SLC22A23: variants seen among roughly 807,000 people sequenced by gnomAD.
SLC22A23 encodes ion transporter protein.
SLC22A23 carries 26 observed loss-of-function variants against 61.0 expected under a neutral mutation model. That is an observed-to-expected ratio of 0.43 (90% confidence interval 0.31 to 0.59). The LOEUF is 0.59. Ranked by LOEUF, SLC22A23 falls within the 20% of genes least tolerant of loss-of-function variation. SLC22A23 has a pLI of 0.11. For synonymous variants in SLC22A23, 430 were observed against 413.9 expected, an observed-to-expected ratio of 1.04 and a Z score of -0.47; for missense variants, 796 against 934.7, an observed-to-expected ratio of 0.85 and a Z score of 1.94.
At chr6:3,283,523 G>T (rs1042259488) in intron 9 of SLC22A23, 1 of 354,820 alleles carries the variant, frequency 2.8e-6, no homozygotes, top group Non-Finnish European at 5.5e-6. Context: ...GGCAGCACAG[G>T]TTCTGGTGGA....
In SLC22A23 at chr6:3,317,058, T is replaced by C. The variant is rs1474137528; in HGVS notation, c.1082+6776A>G. Among the ~76,000 whole-genome samples, 2 of 152,182 alleles carry C rather than the reference T, an allele frequency of 1.3e-5. No homozygotes were observed. Among genetic ancestry groups the C allele is most frequent in the East Asian group, 1.9e-4 (1 of 5,198 alleles). ...GAAGTCCTTACTCCCTGTGACTTCT[T>C]CCAAGCCACTTGAGATAAACACCAC... On this transcript the variant is annotated intron_variant, in intron 4 of 9. Coordinates refer to ENST00000406686, the MANE Select transcript of SLC22A23 (RefSeq NM_015482.2). This position sits in a 1 kb window ranked among gnomAD's most constrained non-coding sequence, Gnocchi z 4.4.
chr6:3,453,798 G>GAA (rs1772265112), intron 1 of SLC22A23, among the ~76,000 whole-genome samples: 1 of 151,978 alleles, frequency 6.6e-6, no homozygotes, highest in Admixed American at 6.6e-5. Flanking sequence ...TCCACTGAAA[G>GAA]AAGGCAAAGG....
chr6:3,280,971 G>T (rs4479984), intron 9 of SLC22A23, among the ~76,000 whole-genome samples: 98,673 of 151,980 alleles, frequency 0.65, 38,359 homozygotes, highest in Non-Finnish European at 0.86. Context: ...TCTAGAAAGG[G>T]CCAGGGCTGC....
intron 9 of SLC22A23, among the ~76,000 whole-genome samples, chr6:3,279,997 T>C (rs1017988419): frequency 3.3e-5 from 5 of 152,224 alleles, no homozygotes; most frequent in Admixed American, 2.0e-4. Context: ...CCATCTCACA[T>C]TGAAACACCC....
intron 9 of SLC22A23, 180 bp downstream of exon 9, chr6:3,283,672 C>T (rs931573394): frequency 3.9e-6 from 4 of 1,012,910 alleles, no homozygotes; most frequent in Admixed American, 4.3e-5. Flanking sequence ...CAGGTTCTCA[C>T]TGCCTCTTGG....
chr6:3,412,283 C>T (rs1026195771), intron 2 of SLC22A23, among the ~76,000 whole-genome samples: 1 of 152,186 alleles, frequency 6.6e-6, no homozygotes, highest in African/African-American at 2.4e-5. Context: ...GTCTACAGGG[C>T]AAACACTGTC....
At chr6:3,408,271 G>C (rs1226737177) in intron 3 of SLC22A23, among the ~76,000 whole-genome samples, 2 of 152,202 alleles carry the variant, frequency 1.3e-5, no homozygotes, top group Non-Finnish European at 2.9e-5. Flanking sequence ...AAGTAGAAGA[G>C]AACCTTCTGC....
Position 3,328,410 on chromosome 6 carries a change from C to G in SLC22A23, c.914-4408G>C, listed in dbSNP as rs554115906. Among the ~76,000 whole-genome samples, 1 of 152,118 alleles carries G rather than the reference C, an allele frequency of 6.6e-6. No individual in the cohort carries two copies. Among genetic ancestry groups the G allele is most frequent in the East Asian group, 1.9e-4 (1 of 5,176 alleles). ...CAGGAGGAAAAGCACATTGCGCTTCCCAGGGTAGACACTTTATGTGACGGA... is the reference window on the plus strand; with the variant it reads ...CAGGAGGAAAAGCACATTGCGCTTCGCAGGGTAGACACTTTATGTGACGGA... On this transcript the variant is annotated intron_variant, in intron 3 of 9. Coordinates refer to ENST00000406686, the MANE Select transcript of SLC22A23 (RefSeq NM_015482.2). This position sits in a 1 kb window ranked among gnomAD's most constrained non-coding sequence, Gnocchi z 5.0.
chr6:3,423,188 G>A (rs905591893), intron 1 of SLC22A23, among the ~76,000 whole-genome samples: 4 of 151,980 alleles, frequency 2.6e-5, no homozygotes, highest in African/African-American at 9.7e-5. Context: ...CATTTTTAAA[G>A]GGCTAGAGAT....
intron 1 of SLC22A23, among the ~76,000 whole-genome samples, chr6:3,436,896 A>G (rs1418148456): frequency 1.3e-5 from 2 of 152,272 alleles, no homozygotes; most frequent in African/African-American, 2.4e-5. Context: ...AGATCGCAAA[A>G]GAAAGGCTGC....
chr6:3,434,742 G>C (rs993887306), intron 1 of SLC22A23, among the ~76,000 whole-genome samples: 1 of 152,190 alleles, frequency 6.6e-6, no homozygotes, highest in African/African-American at 2.4e-5. Flanking sequence ...GAGGAGACGC[G>C]AGGGGTGTGG....
rs1248507094 is a variant in SLC22A23 at position 3,445,831 on chromosome 6, G to A, written c.654+10075C>T. Among the ~76,000 whole-genome samples, 3 of 152,144 alleles carry A rather than the reference G, an allele frequency of 2.0e-5. No homozygotes were observed. In the East Asian group the frequency reaches 5.8e-4, roughly 29 times the overall value. On this transcript the variant is annotated intron_variant, in intron 1 of 9. Coordinates refer to ENST00000406686, the MANE Select transcript of SLC22A23 (RefSeq NM_015482.2). ...CCCCTACAACAAGGAGGGGTGGCAG[G>A]GGAGGAGAGGAAAGACATGTGGGGC...
intron 7 of SLC22A23, among the ~76,000 whole-genome samples, chr6:3,285,989 G>A (rs2127318353): frequency 6.6e-6 from 1 of 152,178 alleles, no homozygotes; most frequent in East Asian, 1.9e-4. Context: ...CCCTGGGCTG[G>A]CCACGGAGAT....
In SLC22A23 at chr6:3,360,068, T is replaced by C. The variant is rs1041521697; in HGVS notation, c.914-36066A>G. Among the ~76,000 whole-genome samples the C allele has an allele frequency of 6.6e-6, 1 of 152,106 alleles. No homozygotes were observed. The highest frequency in any genetic ancestry group is 1.5e-5 in the Non-Finnish European group (1 of 68,020). The stretch of plus-strand genomic sequence containing the variant: ...ATAGGTTCTTAGGTAGGCAAATTCA[T>C]AGAAACAGAAAGTAGAAGGGTGGCT... On this transcript the variant is annotated intron_variant, in intron 3 of 9. Transcript: ENST00000406686. This position sits in a 1 kb window ranked among gnomAD's most constrained non-coding sequence, Gnocchi z 4.6.
In SLC22A23 at chr6:3,414,183, T is replaced by C. The variant is rs1481110272; in HGVS notation, c.758+1569A>G. The stretch of plus-strand genomic sequence containing the variant: ...TAAATTATTTATTGAATAAGGACAC[T>C]ACAACCCCAGTTGAGTTTGCATTTT... On this transcript the variant is annotated intron_variant, in intron 2 of 9. Transcript: ENST00000406686. The surrounding 1 kb of genome is among the most constrained non-coding windows in gnomAD (Gnocchi z 5.1). 6.6e-6 allele frequency among the ~76,000 whole-genome samples: 1 copy of C among 152,238 alleles called. No homozygotes were observed. Among genetic ancestry groups the C allele is most frequent in the African/African-American group, 2.4e-5 (1 of 41,458 alleles).
intron 3 of SLC22A23, among the ~76,000 whole-genome samples, chr6:3,388,742 G>A (rs1036192632): frequency 4.6e-5 from 7 of 152,182 alleles, no homozygotes; most frequent in African/African-American, 1.7e-4. Flanking sequence ...GCCTTGAGAA[G>A]GAAGAAAATC....
In SLC22A23 at chr6:3,380,597, G is replaced by T. The variant is rs916690854; in HGVS notation, c.913+29591C>A. Among the ~76,000 whole-genome samples the T allele has an allele frequency of 1.2e-3, 175 of 151,990 alleles. 1 individual carries two copies. The highest frequency in any genetic ancestry group is 2.6e-4 in the Non-Finnish European group (18 of 68,000). ...CTCTACAAAACTCTATACACCCAAA[G>T]TCAACACTAACATCCTTTCATGCTA... On this transcript the variant is annotated intron_variant, in intron 3 of 9. Coordinates refer to ENST00000406686, the MANE Select transcript of SLC22A23 (RefSeq NM_015482.2).
Position 3,280,511 on chromosome 6 carries a change from T to C in SLC22A23, c.1703+3341A>G, listed in dbSNP as rs373847591. Among the ~76,000 whole-genome samples the C allele has an allele frequency of 6.9e-3, 210 of 30,302 alleles. 1 individual carries two copies. Among genetic ancestry groups the C allele is most frequent in the Non-Finnish European group, 0.029 (175 of 6,012 alleles). 19.9% of individuals were successfully genotyped at this position (30,302 alleles called of 152,430 possible). ...ACAACTTTTTTTTTTTTTTTTTTTT[T>C]TTGAGATGGAGTCTCGCTCTGTCGC... is the stretch of plus-strand genomic sequence containing the variant. On this transcript the variant is annotated intron_variant, in intron 9 of 9. Transcript: ENST00000406686.
Position 3,270,717 on chromosome 6 carries a change from C to G in SLC22A23, c.*2338G>C, listed in dbSNP as rs1288737771. The G allele has an allele frequency of 2.0e-5, 3 of 152,342 alleles. No individual in the cohort carries two copies. The highest frequency in any genetic ancestry group is 7.2e-5 in the African/African-American group (3 of 41,442). 9.4% of individuals were successfully genotyped at this position (152,342 alleles called of 1,614,324 possible). Reference sequence around the variant, plus strand: ...AGTGCTGAGCAGTGTCTTCGTTGGACCAGTTTTTTATTGTCATTTGAGGTG... The same window carrying G: ...AGTGCTGAGCAGTGTCTTCGTTGGAGCAGTTTTTTATTGTCATTTGAGGTG... On this transcript the variant is annotated 3_prime_UTR_variant, in exon 10 of 10. Coordinates refer to ENST00000406686, the MANE Select transcript of SLC22A23 (RefSeq NM_015482.2).
Sources: allele counts gnomAD v4.1 joint callset (sites outside exome capture counted in the v4.1 genomes callset), GRCh38; gene constraint gnomAD v4.1.1; non-coding constraint Gnocchi (gnomAD v3.1); transcripts MANE v1.5; gene names NCBI Gene and HGNC (gene_info 2026-07-23, HGNC 2026-07-21).